Variants in ST18 observed in about 807,000 individuals in gnomAD.
ST18 encodes ST18 C2H2C-type zinc finger transcription factor, also known as suppression of tumorigenicity 18 protein.
In ST18, 50 loss-of-function variants were observed where a neutral mutation model predicts 110.0. The ratio of observed to expected loss-of-function variants is 0.45; its 90% CI spans 0.36 to 0.58. ST18 has a LOEUF of 0.58. ST18 is among the 20% of genes least tolerant of loss of function. The probability of loss-of-function intolerance (pLI) is 0.00; values close to 1 mark genes in which losing one functional copy is unlikely to be tolerated. For synonymous variants in ST18, 461 were observed against 452.4 expected (o/e 1.02, Z -0.24); for missense variants, 1,306 against 1,280.1 (o/e 1.02, Z -0.31).
intron 15 of ST18, among the ~76,000 whole-genome samples, chr8:52,152,191 G>A (rs193150617): frequency 8.3e-4 from 127 of 152,286 alleles, no homozygotes; most frequent in African/African-American, 2.9e-3. Flanking sequence ...TTAAGTGAGC[G>A]CACAGATGCC....
At chr8:52,289,933 T>A (rs77742990) in intron 2 of ST18, among the ~76,000 whole-genome samples, 3 of 151,918 alleles carry the variant, frequency 2.0e-5, no homozygotes, top group African/African-American at 2.4e-5. Flanking sequence ...TTTTTTTTTT[T>A]AATAGACTGG....
At chr8:52,157,793 C>T (rs190007264) in intron 15 of ST18, among the ~76,000 whole-genome samples, 1 of 152,370 alleles carries the variant, frequency 6.6e-6, no homozygotes, top group African/African-American at 2.4e-5. Flanking sequence ...CTCAGTGGCA[C>T]CGTGTTACCT....
intron 17 of ST18, among the ~76,000 whole-genome samples, chr8:52,140,492 C>T (rs1468641998): frequency 6.6e-6 from 1 of 151,774 alleles, no homozygotes; most frequent in African/African-American, 2.4e-5. Flanking sequence ...CCACTGAACT[C>T]CAGCCTGGGC....
At chr8:52,161,647 G>T in intron 13 of ST18, 79 bp from the exon 14 acceptor site, 1 of 1,481,898 alleles carries the variant, frequency 6.7e-7, no homozygotes, top group Non-Finnish European at 9.2e-7. Flanking sequence ...ATTTACAGTA[G>T]ATACATGTGT....
At position 52,172,497 on chromosome 8, in the gene ST18, A is replaced by T; in HGVS notation, c.364T>A (p.Tyr122Asn). ...SSRKEDRYSC[Y>N]QELMVKSLMH... ...AAAGACTTGACCATGAGCTCTTGATAACAAGAGTATCTGTCTTCCTTCCTA... is the reference window on the plus strand; with the variant it reads ...AAAGACTTGACCATGAGCTCTTGATTACAAGAGTATCTGTCTTCCTTCCTA... The change falls in exon 10 of 26, where the codon TAT (tyrosine) becomes AAT (asparagine). Residue 122 changes from tyrosine to asparagine, a missense_variant. Tyr to Asn is a moderately radical substitution (Grantham distance 143). Transcript: ENST00000689386. The T allele has an allele frequency of 3.1e-6, 5 of 1,613,800 alleles. No homozygotes were observed. The highest frequency in any genetic ancestry group is 4.2e-6 in the Non-Finnish European group (5 of 1,180,004).
At chr8:52,389,051 G>A (rs1371695565) in intron 2 of ST18, among the ~76,000 whole-genome samples, 1 of 151,852 alleles carries the variant, frequency 6.6e-6, no homozygotes, top group Admixed American at 6.5e-5. Flanking sequence ...CCCGAGAAGC[G>A]TGCAGCAGGC....
intron 2 of ST18, among the ~76,000 whole-genome samples, chr8:52,236,427 T>C (rs767701213): frequency 1.3e-5 from 2 of 152,028 alleles, no homozygotes; most frequent in Non-Finnish European, 2.9e-5. Context: ...CTAGCCAACA[T>C]GGTGAAACCC....
At chr8:52,299,975 G>A (rs1414834246) in intron 2 of ST18, among the ~76,000 whole-genome samples, 1 of 152,198 alleles carries the variant, frequency 6.6e-6, no homozygotes, top group Non-Finnish European at 1.5e-5. Context: ...CAAAACAGAA[G>A]CTCTAGACCA....
At chr8:52,172,771 G>C (rs1257754120) in intron 9 of ST18, among the ~76,000 whole-genome samples, 188 bp from the exon 10 acceptor site, 1 of 152,054 alleles carries the variant, frequency 6.6e-6, no homozygotes, top group African/African-American at 2.4e-5. Context: ...ACATTGGTGA[G>C]AAAAACATAT....
intron 2 of ST18, among the ~76,000 whole-genome samples, chr8:52,362,053 C>T (rs1825961243): frequency 2.0e-5 from 3 of 152,114 alleles, no homozygotes; most frequent in Non-Finnish European, 2.9e-5. Flanking sequence ...CACTACCTGG[C>T]TTTTAATTTA....
intron 2 of ST18, among the ~76,000 whole-genome samples, chr8:52,344,899 T>G (rs1218089899): frequency 6.6e-6 from 1 of 152,226 alleles, no homozygotes; most frequent in Non-Finnish European, 1.5e-5. Flanking sequence ...ATTATTTGAT[T>G]GTAAGGTATG....
intron 2 of ST18, among the ~76,000 whole-genome samples, chr8:52,285,707 C>T (rs2095460143): frequency 1.3e-5 from 2 of 152,178 alleles, no homozygotes. Flanking sequence ...TGCTGATGCC[C>T]AGAAATGCTA....
At chr8:52,385,192 A>G (rs1247920974) in intron 2 of ST18, among the ~76,000 whole-genome samples, 1 of 152,214 alleles carries the variant, frequency 6.6e-6, no homozygotes, top group Non-Finnish European at 1.5e-5. Context: ...TGAAGCTGGC[A>G]GGGATGAGCT....
rs894015340 is a variant in ST18, at chr8:52,136,575, G to A, written c.2300+15C>T. On this transcript the variant is annotated intron_variant, in intron 19 of 25. Coordinates refer to ENST00000689386, the MANE Select transcript of ST18 (RefSeq NM_001352837.2). ...TGTGGATGAAGGGCAAGCCGGCCAC[G>A]CTTCCCGCACTTACTTAAGCTCCTG... The A allele has an allele frequency of 1.0e-5, 16 of 1,605,724 alleles. No individual in the cohort carries two copies. The highest frequency in any genetic ancestry group is 2.3e-5 in the South Asian group (2 of 88,708).
At chr8:52,226,891 A>G (rs1045190710) in intron 3 of ST18, among the ~76,000 whole-genome samples, 3 of 152,086 alleles carry the variant, frequency 2.0e-5, no homozygotes, top group Non-Finnish European at 4.4e-5. Flanking sequence ...GACATTTTCC[A>G]TTTTCCTTAT....
At chr8:52,124,338 T>G (rs977898307) in intron 23 of ST18, among the ~76,000 whole-genome samples, 4 of 152,054 alleles carry the variant, frequency 2.6e-5, no homozygotes, top group African/African-American at 9.7e-5. Context: ...CCACACTGGC[T>G]AATTTTTTTG....
At position 52,171,927 on chromosome 8, in the gene ST18, G is replaced by A. The variant is rs74700343; in HGVS notation, c.934C>T (p.Leu312=). Residue 312 remains leucine (L), a synonymous_variant, in exon 10 of 26, where the codon CTG becomes TTG. Transcript: ENST00000689386. ...AAAACACAACCTCGCTCAGCCTGCA[G>A]AGCAATTGCCTGCTCCAGCAAACTT... The part of the protein sequence containing the change: ...NLSLLEQAIA[L]QAERGCVFHN... 3.0e-3 allele frequency: 4,816 copies of A among 1,614,152 alleles called. 151 individuals carry two copies. In the East Asian group the frequency reaches 0.074, roughly 25 times the overall value.
chr8:52,328,076 T>TA (rs1807322662), intron 2 of ST18, among the ~76,000 whole-genome samples: 1 of 152,206 alleles, frequency 6.6e-6, no homozygotes, highest in African/African-American at 2.4e-5. Context: ...AAGTGCATCC[T>TA]ATAGCCTTAG....
chr8:52,182,635 G>T (rs947967771), intron 8 of ST18, among the ~76,000 whole-genome samples: 1 of 152,106 alleles, frequency 6.6e-6, no homozygotes, highest in East Asian at 1.9e-4. Context: ...CGGGGGATGA[G>T]GGAGGGGGAA....
Sources: allele counts gnomAD v4.1 joint callset (sites outside exome capture counted in the v4.1 genomes callset), GRCh38; gene constraint gnomAD v4.1.1; transcripts MANE v1.5; gene names NCBI Gene and HGNC (gene_info 2026-07-23, HGNC 2026-07-21).